The following SQSTM1 variants were observed in gnomAD, a reference collection of about 807,000 sequenced individuals.
The protein encoded by SQSTM1 is sequestosome-1.
SQSTM1 carries 36 observed loss-of-function variants against 45.1 expected under a neutral mutation model. The ratio of observed to expected loss-of-function variants is 0.80; its 90% confidence interval spans 0.61 to 1.05. The LOEUF (loss-of-function observed/expected upper bound fraction) is 1.05, where lower values mean the gene tolerates loss of function less well. SQSTM1 is among the 50% of genes least tolerant of loss of function. SQSTM1 has a pLI of 0.00. For synonymous variants in SQSTM1, 290 were observed against 244.3 expected (o/e 1.19, Z -1.74); for missense variants, 617 against 607.1 (o/e 1.02, Z -0.17).
At chr5:179,822,730 C>G in intron 1 of SQSTM1, 1 of 601,858 alleles carries the variant, frequency 1.7e-6, no homozygotes, top group Non-Finnish European at 3.1e-6. Context: ...GCCCTCCGCC[C>G]CCTGCATGTG....
Position 179,824,136 on chromosome 5 carries a change from ACCTTGACCCGCT to A in SQSTM1, c.532-44_532-33del, listed in dbSNP as rs748249020. On this transcript the variant is annotated intron_variant, in intron 3 of 7. Coordinates refer to ENST00000389805, the MANE Select transcript of SQSTM1 (RefSeq NM_003900.5). The stretch of plus-strand genomic sequence containing the variant: ...CTGGGGTGGGCTCAGGGTGGCAGGA[ACCTTGACCCGCT>A]CACTGCCTGCCGCTCTGCTAATTCC... 9 of 1,613,348 alleles carry A rather than the reference ACCTTGACCCGCT, an allele frequency of 5.6e-6. No homozygotes were observed. The South Asian group carries it at 7.7e-5, about 14-fold the overall frequency.
Position 179,823,984 on chromosome 5 carries a change from G to T in SQSTM1, c.428G>T (p.Ser143Ile). The change falls in exon 3 of 8, where the codon AGC becomes ATC. Residue 143 changes from serine to isoleucine, a missense_variant. Coordinates refer to ENST00000389805, the MANE Select transcript of SQSTM1 (RefSeq NM_003900.5). ...GPVVGTRYKCSVCPDYDLCSV... is the reference protein window; with the variant it reads ...GPVVGTRYKCIVCPDYDLCSV... ...GTGGTAGGAACCCGCTACAAGTGCA[G>T]CGTCTGCCCAGACTACGACTTGTGT... is the stretch of plus-strand genomic sequence containing the variant. The T allele has an allele frequency of 6.2e-7, 1 of 1,614,044 alleles. No individual in the cohort carries two copies. Among genetic ancestry groups the T allele is most frequent in the Non-Finnish European group, 8.5e-7 (1 of 1,180,042 alleles).
chr5:179,819,769 A>G (rs1757704609), upstream of SQSTM1, among the ~76,000 whole-genome samples: 1 of 152,140 alleles, frequency 6.6e-6, no homozygotes, highest in Admixed American at 6.5e-5. Flanking sequence ...GGCAGGGTGG[A>G]AGCCTTGCCC....
chr5:179,823,237 G>A (rs548258148), intron 2 of SQSTM1, among the ~76,000 whole-genome samples, 184 bp downstream of exon 2: 3 of 151,886 alleles, frequency 2.0e-5, no homozygotes, highest in South Asian at 4.2e-4. Context: ...AGGCCGAGGC[G>A]GGCAGGTCAC....
chr5:179,807,005 A>G (rs1340299331), intron 1 of SQSTM1: 2 of 146,344 alleles, frequency 1.4e-5, no homozygotes, highest in East Asian at 2.2e-4. Flanking sequence ...GGCGGCCCGG[A>G]TTTAAAGGGG....
At chr5:179,831,675 A>G (rs1758227743) in intron 5 of SQSTM1, among the ~76,000 whole-genome samples, 3 of 152,204 alleles carry the variant, frequency 2.0e-5, no homozygotes, top group Admixed American at 2.0e-4. Context: ...AAAACAAAGG[A>G]AAAGAGAAGC....
intron 1 of SQSTM1, among the ~76,000 whole-genome samples, chr5:179,810,593 T>C: frequency 6.6e-6 from 1 of 152,252 alleles, no homozygotes; most frequent in Non-Finnish European, 1.5e-5. Flanking sequence ...CATGTGTCTT[T>C]ATAGCAGCAT....
chr5:179,823,748 C>A, intron 2 of SQSTM1, 110 bp from the exon 3 acceptor site: 2 of 1,234,518 alleles, frequency 1.6e-6, no homozygotes, highest in Non-Finnish European at 2.3e-6. Flanking sequence ...GGATTCCATG[C>A]TGGAGAGCAG....
intron 7 of SQSTM1, among the ~76,000 whole-genome samples, chr5:179,834,330 GGCC>G (rs1158691847): frequency 5.9e-5 from 9 of 152,060 alleles, no homozygotes; most frequent in African/African-American, 1.9e-4. Context: ...ACCTGCTGTG[GGCC>G]GCCGCTGTGT....
intron 7 of SQSTM1, among the ~76,000 whole-genome samples, chr5:179,834,685 C>T (rs1758429567): frequency 1.3e-5 from 2 of 152,158 alleles, no homozygotes; most frequent in Non-Finnish European, 1.5e-5. Flanking sequence ...ATCCATTTAA[C>T]CCTGAGTGGA....
chr5:179,827,967 A>C (rs115774760), intron 5 of SQSTM1, among the ~76,000 whole-genome samples: 2,599 of 152,226 alleles, frequency 0.017, 94 homozygotes, highest in African/African-American at 0.06. Context: ...AGGGAGCCAC[A>C]ACTGAGACCC....
Position 179,830,384 on chromosome 5 carries a change from A to G in SQSTM1, c.755-2648A>G, listed in dbSNP as rs114009082. On this transcript the variant is annotated intron_variant, in intron 5 of 7. Transcript: ENST00000389805. ...TGATGACTCCAGAAATCAGTTAAAA[A>G]GGCTTTTCGGCCTAGAATTCTTTTG... Among the ~76,000 whole-genome samples, 466 of 152,262 alleles carry G rather than the reference A, an allele frequency of 3.1e-3. 1 individual carries two copies. Among genetic ancestry groups the G allele is most frequent in the African/African-American group, 0.011 (448 of 41,548 alleles).
At chr5:179,820,862 C>T (rs1443494216), upstream of SQSTM1, 4 of 1,324,046 alleles carry the variant, frequency 3.0e-6, no homozygotes, top group African/African-American at 1.5e-5. Context: ...CGGGGCGGGG[C>T]CTCCGCGTTC....
chr5:179,825,856 C>G (rs1360390055), intron 5 of SQSTM1, among the ~76,000 whole-genome samples: 1 of 152,056 alleles, frequency 6.6e-6, no homozygotes, highest in Non-Finnish European at 1.5e-5. Flanking sequence ...CCTGTTGCGT[C>G]TGGCTAAGGG....
rs1561606078 is a variant in SQSTM1 at position 179,833,657 on chromosome 5, A to G, written c.1040A>G (p.Asp347Gly). Residue 347 changes from aspartate to glycine, a missense_variant, in exon 7 of 8, where the codon GAC (aspartate) becomes GGC (glycine). Physicochemically the swap from Asp to Gly is moderately conservative, Grantham distance 94. Coordinates refer to ENST00000389805, the MANE Select transcript of SQSTM1 (RefSeq NM_003900.5). ...ACCCATCTGTCTTCAAAAGAAGTGG[A>G]CCCGTCTACAGGTGAACTCCAGTCC... ...DWTHLSSKEV[D>G]PSTGELQSLQ... 1 of 1,614,056 alleles carries G rather than the reference A, an allele frequency of 6.2e-7. No homozygotes were observed. The highest frequency in any genetic ancestry group is 8.5e-7 in the Non-Finnish European group (1 of 1,180,022).
At chr5:179,824,128 T>G in intron 3 of SQSTM1, 41 bp downstream of exon 3, 1 of 1,613,552 alleles carries the variant, frequency 6.2e-7, no homozygotes, top group Non-Finnish European at 8.5e-7. Context: ...GGGCTCAGGG[T>G]GGCAGGAACC....
At position 179,837,267 on chromosome 5, in the gene SQSTM1, A is replaced by G; in HGVS notation, c.*674A>G. 2 of 1,605,748 alleles carry G rather than the reference A, an allele frequency of 1.2e-6. No homozygotes were observed. Among genetic ancestry groups the G allele is most frequent in the Non-Finnish European group, 1.7e-6 (2 of 1,179,006 alleles). On this transcript the variant is annotated 3_prime_UTR_variant, in exon 8 of 8. Coordinates refer to ENST00000389805, the MANE Select transcript of SQSTM1 (RefSeq NM_003900.5). ...GCACTTTAACCAATGACGTTTGCAT[A>G]GAGAGAAATGATTGACAGTAAGTTT...
At chr5:179,822,183 A>G (rs1476352522) in intron 1 of SQSTM1, among the ~76,000 whole-genome samples, 1 of 152,248 alleles carries the variant, frequency 6.6e-6, no homozygotes, top group African/African-American at 2.4e-5. Context: ...TCATGTAAAT[A>G]GAATCAGACA....
chr5:179,822,391 G>T (rs1757815512), intron 1 of SQSTM1: 1 of 173,190 alleles, frequency 5.8e-6, no homozygotes, highest in Admixed American at 5.5e-5. Context: ...TGGATGGCGT[G>T]GTTTGGTCTG....
Sources: gnomAD v4.1 joint callset for allele counts (sites outside exome capture counted in the v4.1 genomes callset) on GRCh38, gnomAD v4.1.1 for gene constraint, MANE v1.5 for transcripts, NCBI Gene and HGNC (gene_info 2026-07-23, HGNC 2026-07-21) for gene names.